NUDT3: variants seen among roughly 807,000 people sequenced by gnomAD.
NUDT3 encodes nudix hydrolase 3, also known as diphosphoinositol polyphosphate phosphohydrolase 1.
Under a neutral mutation model 23.6 loss-of-function variants are expected in NUDT3, and 9 were observed. That is an observed-to-expected ratio of 0.38 (90% CI 0.23 to 0.66). The LOEUF is 0.66. Among genes scored for constraint, NUDT3 ranks in the 30% least tolerant of loss-of-function variants. The pLI, the probability that NUDT3 is intolerant of heterozygous loss-of-function variation, is 0.52. For synonymous variants in NUDT3, 86 were observed against 82.6 expected, an observed-to-expected ratio of 1.04 and a Z score of -0.22; for missense variants, 172 against 218.5, an observed-to-expected ratio of 0.79 and a Z score of 1.34.
At chr6:34,347,236 C>T (rs1369516021) in intron 1 of NUDT3, among the ~76,000 whole-genome samples, 2 of 152,102 alleles carry the variant, frequency 1.3e-5, no homozygotes, top group Non-Finnish European at 2.9e-5. Context: ...AAATAATACA[C>T]TAAGGGGAAA....
At chr6:34,350,348 T>A (rs1156537762) in intron 1 of NUDT3, among the ~76,000 whole-genome samples, 1 of 150,718 alleles carries the variant, frequency 6.6e-6, no homozygotes, top group Non-Finnish European at 1.5e-5. Context: ...CCTATCAAAT[T>A]TGTGATATGC....
chr6:34,390,526 TTTATTA>T lies in NUDT3; in HGVS notation c.99+1732_99+1737del, dbSNP rs200225993. ...AATACATTTTCTATTTCTAGTATGA[TTTATTA>T]TTATTATTTTTTTTTATATTTAGAG... On this transcript the variant is annotated intron_variant, in intron 1 of 4. Transcript: ENST00000607016. 8.3e-3 allele frequency among the ~76,000 whole-genome samples: 1,268 copies of T among 152,156 alleles called. 14 individuals are homozygous for T. Among genetic ancestry groups the T allele is most frequent in the Middle Eastern group, 0.024 (7 of 294 alleles).
rs1241159155 is a variant in NUDT3 at position 34,286,570 on chromosome 6, A to G, written c.*2183T>C. On this transcript the variant is annotated 3_prime_UTR_variant, in exon 5 of 5. Coordinates refer to ENST00000607016, the MANE Select transcript of NUDT3 (RefSeq NM_006703.4). The stretch of plus-strand genomic sequence containing the variant: ...AATGCTCTAGGTCAGGAAAAGAAAC[A>G]GTGTGTTCGTTTTTAAGAAGGATGT... 6.6e-6 allele frequency: 1 copy of G among 152,232 alleles called. No individual in the cohort carries two copies. Among genetic ancestry groups the G allele is most frequent in the East Asian group, 1.9e-4 (1 of 5,184 alleles). The allele number at this position is 152,232 out of a possible 1,614,324, so 9.4% of individuals were successfully genotyped here.
intron 1 of NUDT3, among the ~76,000 whole-genome samples, chr6:34,369,194 T>C (rs1314092269): frequency 6.6e-6 from 1 of 152,200 alleles, no homozygotes; most frequent in African/African-American, 2.4e-5. Context: ...GATCTGTAAG[T>C]TAAATTCAAC....
At chr6:34,350,633 A>C (rs965552272) in intron 1 of NUDT3, among the ~76,000 whole-genome samples, 2 of 150,956 alleles carry the variant, frequency 1.3e-5, no homozygotes, top group African/African-American at 4.9e-5. Flanking sequence ...CAAGCACAGA[A>C]GTTTCAGTTT....
intron 2 of NUDT3, among the ~76,000 whole-genome samples, chr6:34,333,050 C>T (rs1764151329): frequency 6.6e-6 from 1 of 152,154 alleles, no homozygotes; most frequent in Non-Finnish European, 1.5e-5. Flanking sequence ...CACACAGCTT[C>T]TGCTGCCCTA....
At chr6:34,293,788 C>T (rs1192821178) in intron 3 of NUDT3, among the ~76,000 whole-genome samples, 2 of 152,148 alleles carry the variant, frequency 1.3e-5, no homozygotes, top group East Asian at 3.8e-4. Flanking sequence ...CTAAATACAA[C>T]TTAACAGGAA....
chr6:34,289,341 C>T (rs746998709), intron 4 of NUDT3, among the ~76,000 whole-genome samples: 1 of 152,164 alleles, frequency 6.6e-6, no homozygotes, highest in African/African-American at 2.4e-5. Context: ...CTAAGGTGGG[C>T]GGATCGCTTG....
intron 2 of NUDT3, among the ~76,000 whole-genome samples, chr6:34,329,920 A>C (rs1180079566): frequency 6.6e-6 from 1 of 152,056 alleles, no homozygotes; most frequent in Non-Finnish European, 1.5e-5. Context: ...TGTCCTTGTG[A>C]CAGTTTGCTC....
chr6:34,386,883 G>A (rs1373358435), intron 1 of NUDT3, among the ~76,000 whole-genome samples: 1 of 152,214 alleles, frequency 6.6e-6, no homozygotes, highest in Non-Finnish European at 1.5e-5. Flanking sequence ...GGGAGGCTGA[G>A]GATGCAGATT....
intron 2 of NUDT3, among the ~76,000 whole-genome samples, chr6:34,324,873 G>A (rs940968035): frequency 2.0e-5 from 3 of 152,078 alleles, no homozygotes; most frequent in South Asian, 2.1e-4. Context: ...AGAGAGAGGC[G>A]GTTCTACTAG....
At chr6:34,323,089 G>C (rs1763970359) in intron 2 of NUDT3, among the ~76,000 whole-genome samples, 1 of 152,080 alleles carries the variant, frequency 6.6e-6, no homozygotes, top group Non-Finnish European at 1.5e-5. Context: ...ATAAACACTG[G>C]GGATTCTAAA....
At position 34,293,393 on chromosome 6, in the gene NUDT3, T is replaced by C. The variant is rs367690465; in HGVS notation, c.340+58A>G. ...TGTTTCTGGTTCTGGTCATGACCTG[T>C]GGCATGGCAAGGGCTGGTTGTGAGG... On this transcript the variant is annotated intron_variant, in intron 4 of 4. Transcript: ENST00000607016. 1,564 of 1,600,888 alleles carry C rather than the reference T, an allele frequency of 9.8e-4. 12 individuals carry two copies. Among genetic ancestry groups the C allele is most frequent in the South Asian group, 4.5e-3 (405 of 90,730 alleles).
chr6:34,373,582 T>G (rs1047367928), intron 1 of NUDT3, among the ~76,000 whole-genome samples: 1 of 152,064 alleles, frequency 6.6e-6, no homozygotes, highest in African/African-American at 2.4e-5. Context: ...ATGTAGAACA[T>G]CTTTATAATG....
chr6:34,347,222 T>A (rs1350085401), intron 1 of NUDT3, among the ~76,000 whole-genome samples: 2 of 152,292 alleles, frequency 1.3e-5, no homozygotes, highest in Non-Finnish European at 2.9e-5. Context: ...CAAAAAGATT[T>A]CAAAAATAAT....
At chr6:34,310,857 A>G (rs1397935578) in intron 2 of NUDT3, among the ~76,000 whole-genome samples, 2 of 152,154 alleles carry the variant, frequency 1.3e-5, no homozygotes, top group African/African-American at 4.8e-5. Flanking sequence ...TCAATAATCA[A>G]TTAATGTATT....
chr6:34,377,381 A>G (rs1561923586), intron 1 of NUDT3, among the ~76,000 whole-genome samples: 1 of 152,146 alleles, frequency 6.6e-6, no homozygotes, highest in Non-Finnish European at 1.5e-5. Context: ...TGGAGACTAC[A>G]ATATATGTAT....
intron 2 of NUDT3, among the ~76,000 whole-genome samples, chr6:34,332,097 G>C (rs1335247973): frequency 6.6e-6 from 1 of 151,842 alleles, no homozygotes; most frequent in Non-Finnish European, 1.5e-5. Flanking sequence ...TGTTGCCCAG[G>C]CTGTTCTCAA....
At chr6:34,336,252 A>AAAAC (rs371175665) in intron 2 of NUDT3, among the ~76,000 whole-genome samples, 1,666 of 152,142 alleles carry the variant, frequency 0.011, 12 homozygotes, top group Middle Eastern at 0.034. Flanking sequence ...ACTCCATCTC[A>AAAAC]AAACAAACAA....
Sources: gnomAD v4.1 joint callset for allele counts (sites outside exome capture counted in the v4.1 genomes callset) on GRCh38, gnomAD v4.1.1 for gene constraint, MANE v1.5 for transcripts, NCBI Gene and HGNC (gene_info 2026-07-23, HGNC 2026-07-21) for gene names.